The following AMOTL1 variants were observed in gnomAD, a reference collection of about 807,000 sequenced individuals.
The protein encoded by AMOTL1 is angiomotin like 1.
A neutral mutation model predicts 102.9 loss-of-function variants in AMOTL1; 45 were observed. The observed-to-expected ratio is 0.44, with a 90% CI of 0.34 to 0.56. AMOTL1 has a LOEUF of 0.56. Ranked by LOEUF, AMOTL1 falls within the 20% of genes least tolerant of loss-of-function variation. AMOTL1 has a pLI of 0.01. For synonymous variants in AMOTL1, 481 were observed against 484.7 expected (o/e 0.99, Z 0.10); for missense variants, 1,114 against 1,225.6 (o/e 0.91, Z 1.36).
At chr11:94,844,203 T>C (rs1325338051) in intron 6 of AMOTL1, among the ~76,000 whole-genome samples, 4 of 152,340 alleles carry the variant, frequency 2.6e-5, no homozygotes, top group East Asian at 1.9e-4. Context: ...GCCAGAGAGA[T>C]ACCTGACTCT....
intron 6 of AMOTL1, among the ~76,000 whole-genome samples, chr11:94,840,719 C>CA (rs546439152): frequency 5.8e-4 from 78 of 133,354 alleles, no homozygotes; most frequent in African/African-American, 2.3e-3. Context: ...TATATATATA[C>CA]ATATATATGT....
intron 1 of AMOTL1, among the ~76,000 whole-genome samples, chr11:94,707,250 C>CTCTCTCTCTCTGTGTG (rs1338023479): frequency 4.2e-5 from 3 of 71,712 alleles, no homozygotes; most frequent in African/African-American, 1.2e-4. Context: ...CTCTCTCTCT[C>CTCTCTCTCTCTGTGTG]TGTGTGTGTG....
At chr11:94,850,322 T>A in intron 7 of AMOTL1, 63 bp downstream of exon 7, 1 of 1,496,438 alleles carries the variant, frequency 6.7e-7, no homozygotes. Flanking sequence ...GGGCTTCCAC[T>A]TTCTTTTCCT....
intron 1 of AMOTL1, among the ~76,000 whole-genome samples, chr11:94,777,432 T>C (rs2135526392): frequency 6.6e-6 from 1 of 152,322 alleles, no homozygotes; most frequent in Non-Finnish European, 1.5e-5. Context: ...ATATATTAGC[T>C]TAACCCTGAG....
intron 3 of AMOTL1, among the ~76,000 whole-genome samples, chr11:94,753,957 AC>A (rs1002093743): frequency 2.0e-5 from 3 of 152,154 alleles, no homozygotes; most frequent in Non-Finnish European, 2.9e-5. Context: ...AACATTTACA[AC>A]GTGGAGTTCT....
At chr11:94,728,946 G>A in exon 2 of AMOTL1, 1 of 1,282,828 alleles carries the variant, frequency 7.8e-7, no homozygotes, top group Non-Finnish European at 1.0e-6. Flanking sequence ...TGATCTGAAA[G>A]CTATACATAC....
At chr11:94,869,164 A>T in intron 11 of AMOTL1, 34 bp from the exon 12 acceptor site, 2 of 1,530,808 alleles carry the variant, frequency 1.3e-6, no homozygotes, top group Non-Finnish European at 1.8e-6. Context: ...AAAAGGAAAA[A>T]AAGAATGTTG....
At chr11:94,801,465 A>G (rs1191107927) in intron 3 of AMOTL1, among the ~76,000 whole-genome samples, 1 of 152,130 alleles carries the variant, frequency 6.6e-6, no homozygotes, top group African/African-American at 2.4e-5. Context: ...TCCATAAGCA[A>G]TCGGGAAAAG....
intron 6 of AMOTL1, among the ~76,000 whole-genome samples, chr11:94,832,686 T>G (rs1365186215): frequency 1.3e-5 from 2 of 152,230 alleles, no homozygotes; most frequent in Non-Finnish European, 2.9e-5. Flanking sequence ...TATCTCTTCC[T>G]GTGGGTGCAA....
chr11:94,777,767 T>C (rs1951046016), intron 1 of AMOTL1, among the ~76,000 whole-genome samples: 1 of 152,224 alleles, frequency 6.6e-6, no homozygotes, highest in Non-Finnish European at 1.5e-5. Flanking sequence ...TGACATTTCT[T>C]ATTTTGGACA....
At chr11:94,803,282 G>A (rs181457078) in intron 3 of AMOTL1, among the ~76,000 whole-genome samples, 6 of 152,250 alleles carry the variant, frequency 3.9e-5, no homozygotes, top group Admixed American at 1.3e-4. Flanking sequence ...GCTCTGATGC[G>A]CCCTAAAGAT....
In AMOTL1 at chr11:94,821,935, C is replaced by A; in HGVS notation, c.1413+114C>A. Reference sequence around the variant, plus strand: ...AGTAGACCCCTTTTTATACTAGGCCCTGTGCAAGGCTTTAGGGAGATGAAA... The same window carrying A: ...AGTAGACCCCTTTTTATACTAGGCCATGTGCAAGGCTTTAGGGAGATGAAA... On this transcript the variant is annotated intron_variant, in intron 4 of 12. Transcript: ENST00000433060. 9.7e-6 allele frequency: 13 copies of A among 1,337,154 alleles called. No individual in the cohort carries two copies. In the South Asian group the frequency reaches 1.7e-4, roughly 17 times the overall value. 82.8% of individuals were successfully genotyped at this position (1,337,154 alleles called of 1,614,324 possible).
rs187895359 is a variant in AMOTL1, at chr11:94,864,960, C to A, written c.2261+100C>A. ...CTGTCCTGTTCTGAAAGGCTGTGAG[C>A]ATGAGGTCTCCAAAAACTCTCCTCC... is the stretch of plus-strand genomic sequence containing the variant. On this transcript the variant is annotated intron_variant, in intron 10 of 12. Transcript: ENST00000433060. The A allele has an allele frequency of 8.5e-6, 12 of 1,410,264 alleles. No individual in the cohort carries two copies. The East Asian group carries it at 2.3e-4, about 27-fold the overall frequency. The allele number at this position is 1,410,264 out of a possible 1,614,324, so 87.4% of individuals were successfully genotyped here. A position where few individuals can be genotyped will look rare whatever the true frequency, so the allele number is the denominator to read the frequency against.
At chr11:94,784,058 A>C (rs556907744) in intron 1 of AMOTL1, among the ~76,000 whole-genome samples, 1 of 152,194 alleles carries the variant, frequency 6.6e-6, no homozygotes, top group Admixed American at 6.5e-5. Flanking sequence ...AAGAAACCTA[A>C]TTCTCAGGAA....
chr11:94,821,570 C>T lies in AMOTL1; in HGVS notation c.1162C>T (p.His388Tyr), dbSNP rs765074352. The change falls in exon 4 of 13, where the codon CAC (histidine) becomes TAC (tyrosine). Residue 388 changes from histidine (H) to tyrosine (Y), a missense_variant. His to Tyr is a moderately conservative substitution (Grantham distance 83). Transcript: ENST00000433060. Reference protein sequence around the residue: ...QLPFPSTMQQHSPMSSQTSSA... With the variant: ...QLPFPSTMQQYSPMSSQTSSA... Reference sequence around the variant, plus strand: ...TCCGTTCCCATCAACCATGCAGCAGCACAGCCCCATGTCCTCCCAGACCTC... The same window carrying T: ...TCCGTTCCCATCAACCATGCAGCAGTACAGCCCCATGTCCTCCCAGACCTC... The T allele has an allele frequency of 6.2e-7, 1 of 1,613,894 alleles. No individual in the cohort carries two copies. The highest frequency in any genetic ancestry group is 2.2e-5 in the East Asian group (1 of 44,872).
Position 94,873,579 on chromosome 11 carries a change from T to C in AMOTL1, c.*2784T>C, listed in dbSNP as rs1243844526. The C allele has an allele frequency of 6.6e-6, 1 of 152,382 alleles. No individual in the cohort carries two copies. The highest frequency in any genetic ancestry group is 2.1e-4 in the South Asian group (1 of 4,834). The allele number at this position is 152,382 out of a possible 1,614,324, so 9.4% of individuals were successfully genotyped here. A position where few individuals can be genotyped will look rare whatever the true frequency, so the allele number is the denominator to read the frequency against. On this transcript the variant is annotated 3_prime_UTR_variant, in exon 13 of 13. Transcript: ENST00000433060. Reference sequence around the variant, plus strand: ...AGTACAGGGGGTGCGTTTATTATTCTGATTTCACTGATGAGGAAATGGGCT... The same window carrying C: ...AGTACAGGGGGTGCGTTTATTATTCCGATTTCACTGATGAGGAAATGGGCT...
chr11:94,831,833 A>T (rs922892800), intron 6 of AMOTL1, among the ~76,000 whole-genome samples: 4 of 152,150 alleles, frequency 2.6e-5, no homozygotes, highest in African/African-American at 9.7e-5. Flanking sequence ...CCTGGCACTC[A>T]CTACTTCAGA....
chr11:94,782,579 A>C (rs1354705079), intron 1 of AMOTL1, among the ~76,000 whole-genome samples: 13 of 152,224 alleles, frequency 8.5e-5, no homozygotes. Context: ...ATTTTAATGT[A>C]ATACAGTACA....
chr11:94,804,763 T>A (rs1951540403), intron 3 of AMOTL1, among the ~76,000 whole-genome samples: 1 of 152,212 alleles, frequency 6.6e-6, no homozygotes, highest in South Asian at 2.1e-4. Context: ...AAAATCTGTT[T>A]TTTCTAACAC....
Sources: gnomAD v4.1 joint callset for allele counts (sites outside exome capture counted in the v4.1 genomes callset) on GRCh38, gnomAD v4.1.1 for gene constraint, MANE v1.5 for transcripts, NCBI Gene and HGNC (gene_info 2026-07-23, HGNC 2026-07-21) for gene names.